Variants in SPTBN4 observed in about 807,000 individuals in gnomAD.
The protein encoded by SPTBN4 is spectrin beta chain, non-erythrocytic 4.
A neutral mutation model predicts 277.8 loss-of-function variants in SPTBN4; 96 were observed. That is an observed-to-expected ratio of 0.35 (90% CI 0.29 to 0.41). The LOEUF (loss-of-function observed/expected upper bound fraction) is 0.41. Ranked by LOEUF, SPTBN4 falls within the 10% of genes least tolerant of loss-of-function variation. The pLI, the probability that SPTBN4 is intolerant of heterozygous loss-of-function variation, is 1.00. For missense variants in SPTBN4, 3,006 were observed against 3,595.7 expected, an observed-to-expected ratio of 0.84 and a Z score of 4.19; for synonymous variants, 1,481 against 1,580.3, an observed-to-expected ratio of 0.94 and a Z score of 1.49.
rs148411105 is a variant in SPTBN4, at chr19:40,514,740, A to T, written c.2766-571A>T. 4.2e-4 allele frequency among the ~76,000 whole-genome samples: 64 copies of T among 152,310 alleles called. No homozygotes were observed. In the East Asian group the frequency reaches 0.01, roughly 25 times the overall value. On this transcript the variant is annotated intron_variant, in intron 14 of 35. Transcript: ENST00000598249. ...CAAGGCTGTGGGGCTGGGTGGAATC[A>T]TTGAAGAAGGGTGTGAAGGAAAACC...
At position 40,515,380 on chromosome 19, in the gene SPTBN4, G is replaced by T. The variant is rs1295114585; in HGVS notation, c.2835G>T (p.Gln945His). The change falls in exon 15 of 36, where the codon CAG becomes CAT. Residue 945 changes from glutamine (Q) to histidine (H), a missense_variant. Transcript: ENST00000598249. The surrounding 1 kb of genome is among the most constrained non-coding windows in gnomAD (Gnocchi z 4.1). ...TTCTGGACGTGAACCACACAGTCCA[G>T]GAGCTGGTGGAAGGAGGCCACCCCA... ...GRVLDVNHTV[Q>H]ELVEGGHPSS... 1 of 1,604,084 alleles carries T rather than the reference G, an allele frequency of 6.2e-7. No homozygotes were observed. Among genetic ancestry groups the T allele is most frequent in the Admixed American group, 1.7e-5 (1 of 58,260 alleles).
intron 2 of SPTBN4, among the ~76,000 whole-genome samples, chr19:40,480,612 A>C (rs2080000290): frequency 6.6e-6 from 1 of 152,122 alleles, no homozygotes. Context: ...TTCACTCAAC[A>C]TTATGCTTGT....
intron 22 of SPTBN4, among the ~76,000 whole-genome samples, chr19:40,552,439 G>C (rs1339775725): frequency 1.7e-5 from 2 of 120,292 alleles, no homozygotes; most frequent in Non-Finnish European, 3.2e-5. Flanking sequence ...TGAGTGTCAA[G>C]AGCGAGACTC....
Position 40,502,060 on chromosome 19 carries a change from T to C in SPTBN4, c.897+27T>C. On this transcript the variant is annotated intron_variant, in intron 8 of 35. Transcript: ENST00000598249. This position sits in a 1 kb window ranked among gnomAD's most constrained non-coding sequence, Gnocchi z 4.9. ...TATAAGGAGCCAAGGAGTGGGTGAG[T>C]GGGAAGCTGGAAGCTGGTGGCAGGC... is the stretch of plus-strand genomic sequence containing the variant. 6.2e-7 allele frequency: 1 copy of C among 1,613,552 alleles called. No individual in the cohort carries two copies. The highest frequency in any genetic ancestry group is 8.5e-7 in the Non-Finnish European group (1 of 1,179,868).
chr19:40,573,457 G>T lies in SPTBN4; in HGVS notation c.7536+1077G>T, dbSNP rs564317196. ...GGTTCCCAGGAGATAGGTGTCTCAG[G>T]ACAGGATGGGCCATTTGGAGGAGAT... On this transcript the variant is annotated intron_variant, in intron 35 of 35. Coordinates refer to ENST00000598249, the MANE Select transcript of SPTBN4 (RefSeq NM_020971.3). Among the ~76,000 whole-genome samples, 3 of 152,356 alleles carry T rather than the reference G, an allele frequency of 2.0e-5. No homozygotes were observed. The East Asian group carries it at 5.8e-4, about 29-fold the overall frequency.
At chr19:40,478,792 C>T (rs1246931984) in intron 2 of SPTBN4, among the ~76,000 whole-genome samples, 1 of 152,186 alleles carries the variant, frequency 6.6e-6, no homozygotes, top group African/African-American at 2.4e-5. Flanking sequence ...AGTGGTCCAC[C>T]TGCCTCAGCC....
chr19:40,539,193 T>G (rs1285495652), intron 20 of SPTBN4, among the ~76,000 whole-genome samples: 1 of 152,214 alleles, frequency 6.6e-6, no homozygotes, highest in Non-Finnish European at 1.5e-5. Context: ...CAGCAGTGTT[T>G]TGCAGTGGCT....
Position 40,504,152 on chromosome 19 carries a change from G to GC in SPTBN4, c.1665+20_1665+21insC. 8 of 877,198 alleles carry GC rather than the reference G, an allele frequency of 9.1e-6. No homozygotes were observed. Among genetic ancestry groups the GC allele is most frequent in the Non-Finnish European group, 1.4e-5 (8 of 566,478 alleles). The allele number at this position is 877,198 out of a possible 1,614,324, so 54.3% of individuals were successfully genotyped here. On this transcript the variant is annotated intron_variant, in intron 12 of 35. Transcript: ENST00000598249. The stretch of plus-strand genomic sequence containing the variant: ...ATGCAGGTGCCGGCGGGGGGGCGGG[G>GC]ATGCGGGTGGAGTGCCAGGAGGGAG...
At chr19:40,473,083 G>T (rs1328547653) in intron 2 of SPTBN4, among the ~76,000 whole-genome samples, 1 of 151,896 alleles carries the variant, frequency 6.6e-6, no homozygotes, top group African/African-American at 2.4e-5. Flanking sequence ...GTCTTATTCT[G>T]TTGCCCCGGC....
chr19:40,554,300 G>A lies in SPTBN4; in HGVS notation c.4828G>A (p.Ala1610Thr). The change falls in exon 23 of 36, where the codon GCC (alanine) becomes ACC (threonine). Residue 1610 changes from alanine (A) to threonine (T), a missense_variant. Transcript: ENST00000598249. This position sits in a 1 kb window ranked among gnomAD's most constrained non-coding sequence, Gnocchi z 5.7. ...QSAWAGLREAAERRQQVLDAA... is the reference protein window; with the variant it reads ...QSAWAGLREATERRQQVLDAA... Reference sequence around the variant, plus strand: ...CGCCTGGGCCGGACTGCGGGAGGCTGCCGAGCGACGGCAGCAGGTGCTGGA... The same window carrying A: ...CGCCTGGGCCGGACTGCGGGAGGCTACCGAGCGACGGCAGCAGGTGCTGGA... The A allele has an allele frequency of 6.5e-7, 1 of 1,541,146 alleles. No homozygotes were observed. The highest frequency in any genetic ancestry group is 1.8e-4 in the Middle Eastern group (1 of 5,668).
At chr19:40,496,812 C>T (rs1299873584) in intron 6 of SPTBN4, among the ~76,000 whole-genome samples, 1 of 151,978 alleles carries the variant, frequency 6.6e-6, no homozygotes, top group Admixed American at 6.6e-5. Flanking sequence ...GTGGCTCACA[C>T]CTGTAATCCC....
chr19:40,569,640 T>C lies in SPTBN4; in HGVS notation c.6957-17T>C. On this transcript the variant is annotated splice_polypyrimidine_tract_variant and intron_variant, in intron 31 of 35. Transcript: ENST00000598249. ...GAACCCTGGTTTCACTGGGTCTTTCTGTCCCCCATCCCCCAGGAAGGCCAC... is the reference window on the plus strand; with the variant it reads ...GAACCCTGGTTTCACTGGGTCTTTCCGTCCCCCATCCCCCAGGAAGGCCAC... The C allele has an allele frequency of 6.2e-7, 1 of 1,612,214 alleles. No individual in the cohort carries two copies.
intron 20 of SPTBN4, among the ~76,000 whole-genome samples, chr19:40,543,715 C>G (rs1341649777): frequency 6.6e-6 from 1 of 152,028 alleles, no homozygotes; most frequent in Non-Finnish European, 1.5e-5. Context: ...AAAAATTTTA[C>G]TAACCGAGCA....
At chr19:40,521,337 G>T (rs1197695013) in intron 16 of SPTBN4, among the ~76,000 whole-genome samples, 1 of 152,098 alleles carries the variant, frequency 6.6e-6, no homozygotes, top group African/African-American at 2.4e-5. Context: ...TACATTTATT[G>T]TGTGCTTTAT....
intron 20 of SPTBN4, among the ~76,000 whole-genome samples, chr19:40,542,549 G>A (rs796362616): frequency 6.6e-5 from 10 of 152,166 alleles, no homozygotes; most frequent in African/African-American, 2.4e-4. Context: ...AAATGCACTA[G>A]AGGCTTTGCA....
At chr19:40,477,787 G>A (rs149148202) in intron 2 of SPTBN4, among the ~76,000 whole-genome samples, 24 of 152,318 alleles carry the variant, frequency 1.6e-4, no homozygotes, top group African/African-American at 5.3e-4. Context: ...TGGCTTGACT[G>A]AGAAGGATAC....
chr19:40,572,136 G>C lies in SPTBN4; in HGVS notation c.7437G>C (p.Lys2479Asn), dbSNP rs150725660. ...GGGAACCGCTGCTCAGCCTGCACAA[G>C]GCCACCAGCGAGGTGGCTAGTGACT... Reference protein sequence around the residue: ...HGGEPLLSLHKATSEVASDYK... With the variant: ...HGGEPLLSLHNATSEVASDYK... The change falls in exon 34 of 36, where the codon AAG (lysine) becomes AAC (asparagine). Residue 2479 changes from lysine to asparagine, a missense_variant. Transcript: ENST00000598249. The C allele has an allele frequency of 1.7e-3, 2,699 of 1,611,228 alleles. 21 individuals carry two copies. The highest frequency in any genetic ancestry group is 0.016 in the African/African-American group (1,192 of 74,964).
Position 40,512,866 on chromosome 19 carries a change from A to G in SPTBN4, c.2077A>G (p.Ser693Gly). 6.9e-7 allele frequency: 1 copy of G among 1,448,334 alleles called. No individual in the cohort carries two copies. Among genetic ancestry groups the G allele is most frequent in the Non-Finnish European group, 9.0e-7 (1 of 1,113,058 alleles). 89.7% of individuals were successfully genotyped at this position (1,448,334 alleles called of 1,614,324 possible). A position where few individuals can be genotyped will look rare whatever the true frequency, so the allele number is the denominator to read the frequency against. The change falls in exon 14 of 36, where the codon AGC becomes GGC. Residue 693 changes from serine to glycine, a missense_variant. By Grantham distance (56) the Ser-to-Gly change is moderately conservative (BLOSUM62 0). Transcript: ENST00000598249. Reference protein sequence around the residue: ...GTAGGAHDLSSTARLLAQHKI... With the variant: ...GTAGGAHDLSGTARLLAQHKI... ...AGCGGGCGGCGCGCATGACCTGTCC[A>G]GCACAGCGCGCCTCCTGGCCCAGCA... is the stretch of plus-strand genomic sequence containing the variant.
At chr19:40,503,053 G>T in intron 11 of SPTBN4, 120 bp downstream of exon 11, 3 of 1,294,498 alleles carry the variant, frequency 2.3e-6, no homozygotes, top group Non-Finnish European at 3.1e-6. Context: ...TAGTCTCCTG[G>T]TGATAAATGA....
Sources: allele counts gnomAD v4.1 joint callset (sites outside exome capture counted in the v4.1 genomes callset), GRCh38; gene constraint gnomAD v4.1.1; non-coding constraint Gnocchi (gnomAD v3.1); transcripts MANE v1.5; gene names NCBI Gene and HGNC (gene_info 2026-07-23, HGNC 2026-07-21).